The following RAPGEF2 variants were observed in gnomAD, a reference collection of about 807,000 sequenced individuals.
RAPGEF2 encodes PDZ domain containing guanine nucleotide exchange factor (GEF) 1.
In RAPGEF2, 54 loss-of-function variants were observed where a neutral mutation model predicts 186.7. The observed-to-expected ratio is 0.29, with a 90% CI of 0.23 to 0.36. RAPGEF2 has a LOEUF of 0.36. RAPGEF2 is among the 10% of genes least tolerant of loss of function. The pLI, the probability that RAPGEF2 is intolerant of heterozygous loss-of-function variation, is 1.00. For synonymous variants in RAPGEF2, 712 were observed against 705.9 expected, an observed-to-expected ratio of 1.01 and a Z score of -0.14; for missense variants, 1,532 against 2,045.0, an observed-to-expected ratio of 0.75 and a Z score of 4.84.
chr4:159,198,363 CTTTT>C (rs1351601997), intron 3 of RAPGEF2, among the ~76,000 whole-genome samples: 1 of 127,858 alleles, frequency 7.8e-6, no homozygotes. Context: ...TCCTTCCTTC[CTTTT>C]TTTCTTTCTT....
intron 1 of RAPGEF2, among the ~76,000 whole-genome samples, chr4:159,130,664 G>A (rs1299784440): frequency 1.3e-5 from 2 of 152,046 alleles, no homozygotes; most frequent in Non-Finnish European, 2.9e-5. Context: ...TTTAGACCCA[G>A]GCTTAGCGAA....
chr4:159,290,649 T>G (rs935382163), intron 7 of RAPGEF2, among the ~76,000 whole-genome samples: 3 of 152,130 alleles, frequency 2.0e-5, no homozygotes, highest in Non-Finnish European at 4.4e-5. Context: ...TCATGAAAAG[T>G]GCTGGAGCAT....
intron 1 of RAPGEF2, among the ~76,000 whole-genome samples, chr4:159,160,466 C>T (rs79607720): frequency 0.01 from 1,582 of 152,274 alleles, 31 homozygotes; most frequent in African/African-American, 0.036. Context: ...ATTTTAAATC[C>T]TCACTCATGT....
At chr4:159,176,035 C>T (rs1746418679) in intron 1 of RAPGEF2, among the ~76,000 whole-genome samples, 1 of 151,920 alleles carries the variant, frequency 6.6e-6, no homozygotes, top group African/African-American at 2.4e-5. Flanking sequence ...ATGTGAAGGC[C>T]CTAATGTGAA....
chr4:159,239,548 ACAGAGAT>A (rs1753706317), intron 5 of RAPGEF2, among the ~76,000 whole-genome samples: 1 of 152,222 alleles, frequency 6.6e-6, no homozygotes, highest in African/African-American at 2.4e-5. Context: ...AAATTTATAA[ACAGAGAT>A]TATACATAGA....
chr4:159,123,709 AG>A (rs1277755023), intron 1 of RAPGEF2, among the ~76,000 whole-genome samples: 1 of 151,450 alleles, frequency 6.6e-6, no homozygotes, highest in Non-Finnish European at 1.5e-5. Context: ...TAGTAGAGAC[AG>A]GGTTTCACCG....
intron 1 of RAPGEF2, among the ~76,000 whole-genome samples, chr4:159,121,681 T>A (rs2111097015): frequency 6.6e-6 from 1 of 152,056 alleles, no homozygotes; most frequent in South Asian, 2.1e-4. Context: ...TAAAAAAATT[T>A]TTGGAGAATT....
Position 159,343,877 on chromosome 4 carries a change from T to G in RAPGEF2, c.3255-159T>G, listed in dbSNP as rs968866503. Among the ~76,000 whole-genome samples the G allele has an allele frequency of 2.6e-4, 39 of 152,312 alleles. 1 individual carries two copies. The highest frequency in any genetic ancestry group is 9.4e-4 in the African/African-American group (39 of 41,580). On this transcript the variant is annotated intron_variant, in intron 22 of 29. Coordinates refer to ENST00000691494, the MANE Select transcript of RAPGEF2 (RefSeq NM_001394067.2). ...ATGTGTCTTTTAAGCCAGAAAAATATTTCTAGTAAAGTTGCGTGTGTGAGG... is the reference window on the plus strand; with the variant it reads ...ATGTGTCTTTTAAGCCAGAAAAATAGTTCTAGTAAAGTTGCGTGTGTGAGG...
chr4:159,239,846 TAGTAA>T (rs1418427640), intron 5 of RAPGEF2, among the ~76,000 whole-genome samples: 2 of 152,180 alleles, frequency 1.3e-5, no homozygotes, highest in Non-Finnish European at 2.9e-5. Flanking sequence ...TATTCACATT[TAGTAA>T]AGTATTTAGT....
At chr4:159,192,411 G>A (rs542924286) in intron 2 of RAPGEF2, among the ~76,000 whole-genome samples, 123 of 152,282 alleles carry the variant, frequency 8.1e-4, no homozygotes, top group Non-Finnish European at 1.4e-3. Context: ...ATGGTAGCCC[G>A]AATGACCAAA....
intron 29 of RAPGEF2, among the ~76,000 whole-genome samples, chr4:159,356,995 T>G (rs1347691983): frequency 6.6e-6 from 1 of 152,236 alleles, no homozygotes; most frequent in African/African-American, 2.4e-5. Flanking sequence ...TGGTTAAAGT[T>G]TTCTGTGGAA....
chr4:159,145,561 A>C (rs1742874580), intron 1 of RAPGEF2, among the ~76,000 whole-genome samples: 1 of 152,204 alleles, frequency 6.6e-6, no homozygotes. Flanking sequence ...TGATCTATAT[A>C]ACAGCCTATT....
At chr4:159,121,018 C>G (rs913690254) in intron 1 of RAPGEF2, among the ~76,000 whole-genome samples, 2 of 152,010 alleles carry the variant, frequency 1.3e-5, no homozygotes, top group African/African-American at 4.8e-5. Context: ...CCACGCCCAG[C>G]TAATTTTTGT....
chr4:159,226,553 A>G (rs1485377905), intron 4 of RAPGEF2, among the ~76,000 whole-genome samples: 1 of 152,188 alleles, frequency 6.6e-6, no homozygotes, highest in African/African-American at 2.4e-5. Context: ...GAGTCTATAT[A>G]TCAACTTGGG....
intron 9 of RAPGEF2, among the ~76,000 whole-genome samples, chr4:159,321,514 T>G (rs1765231460): frequency 6.6e-6 from 1 of 152,160 alleles, no homozygotes; most frequent in African/African-American, 2.4e-5. Flanking sequence ...GGTCTTGCCA[T>G]CTCTTAATTA....
intron 3 of RAPGEF2, among the ~76,000 whole-genome samples, chr4:159,199,568 A>T (rs775884966): frequency 4.6e-5 from 7 of 152,094 alleles, no homozygotes; most frequent in Admixed American, 6.5e-5. Flanking sequence ...ATGGCTGGTT[A>T]CACATCATCA....
At position 159,330,447 on chromosome 4, in the gene RAPGEF2, A is replaced by G; in HGVS notation, c.1416A>G (p.Glu472=). 6.2e-7 allele frequency: 1 copy of G among 1,608,522 alleles called. No homozygotes were observed. The highest frequency in any genetic ancestry group is 8.5e-7 in the Non-Finnish European group (1 of 1,178,624). ...TYRTFLSSPM[E]VGKKLLEWFN... is the part of the protein sequence containing the mutation. ...GGACTTTTCTTTCTAGCCCAATGGA[A>G]GTGGGCAAAAAGTTATTGGAGTGGT... The change falls in exon 13 of 30, where the codon GAA becomes GAG. Residue 472 remains glutamate, a synonymous_variant. Coordinates refer to ENST00000691494, the MANE Select transcript of RAPGEF2 (RefSeq NM_001394067.2).
intron 2 of RAPGEF2, among the ~76,000 whole-genome samples, chr4:159,191,283 G>A (rs1748091941): frequency 6.6e-6 from 1 of 152,092 alleles, no homozygotes; most frequent in African/African-American, 2.4e-5. Context: ...ATGCTGTGAG[G>A]AAAAAGGAGT....
intron 7 of RAPGEF2, among the ~76,000 whole-genome samples, chr4:159,248,492 GT>G (rs1754922405): frequency 6.6e-6 from 1 of 152,128 alleles, no homozygotes; most frequent in Non-Finnish European, 1.5e-5. Flanking sequence ...CCTAAATTAT[GT>G]TGCATTTTAA....
Sources: gnomAD v4.1 joint callset for allele counts (sites outside exome capture counted in the v4.1 genomes callset) on GRCh38, gnomAD v4.1.1 for gene constraint, MANE v1.5 for transcripts, NCBI Gene and HGNC (gene_info 2026-07-23, HGNC 2026-07-21) for gene names.